Variants in CPNE8 observed in about 807,000 individuals in gnomAD.
CPNE8 encodes the protein copine-8.
CPNE8 carries 45 observed loss-of-function variants against 81.5 expected under a neutral mutation model. The ratio of observed to expected loss-of-function variants is 0.55; its 90% CI spans 0.44 to 0.71. The LOEUF (loss-of-function observed/expected upper bound fraction) is 0.71, where lower values mean the gene tolerates loss of function less well. Among genes scored for constraint, CPNE8 ranks in the 30% least tolerant of loss-of-function variants. CPNE8 has a pLI of 0.00. For synonymous variants in CPNE8, 252 were observed against 226.3 expected (o/e 1.11, Z -1.02); for missense variants, 594 against 672.1 (o/e 0.88, Z 1.28).
chr12:38,808,009 T>C (rs1160519154), intron 6 of CPNE8, among the ~76,000 whole-genome samples: 3 of 151,980 alleles, frequency 2.0e-5, no homozygotes, highest in African/African-American at 2.4e-5. Context: ...AAAATGCTCA[T>C]CATCACTGGC....
At chr12:38,655,346 G>A (rs1037700292) in intron 19 of CPNE8, among the ~76,000 whole-genome samples, 1 of 152,106 alleles carries the variant, frequency 6.6e-6, no homozygotes, top group Non-Finnish European at 1.5e-5. Context: ...GAGGGCATTA[G>A]TTCAATTTTC....
At position 38,654,058 on chromosome 12, in the gene CPNE8, T is replaced by G. The variant is rs764080635; in HGVS notation, c.1519A>C (p.Arg507=). The part of the protein sequence containing the change: ...ERDIVQFVPF[R]DYIDRSGNHI... ...TTTCCACTTCTGTCAATATAATCCC[T>G]GAATGGCACAAACTAAAACAGAGAC... Residue 507 remains arginine (R), a synonymous_variant, in exon 20 of 20, where the codon AGG becomes CGG. Coordinates refer to ENST00000331366, the MANE Select transcript of CPNE8 (RefSeq NM_153634.3). The G allele has an allele frequency of 1.4e-5, 23 of 1,602,402 alleles. 2 individuals are homozygous for G. Among genetic ancestry groups the G allele is most frequent in the South Asian group, 9.0e-5 (8 of 89,002 alleles).
intron 3 of CPNE8, among the ~76,000 whole-genome samples, chr12:38,865,267 T>C (rs1330552610): frequency 6.6e-6 from 1 of 152,228 alleles, no homozygotes; most frequent in Non-Finnish European, 1.5e-5. Flanking sequence ...ATTCCCCCTA[T>C]GGCTCAGATA....
chr12:38,906,256 G>C (rs371344806), upstream of CPNE8: 2 of 985,490 alleles, frequency 2.0e-6, no homozygotes, highest in African/African-American at 1.7e-5. Context: ...AGTTGGGGAC[G>C]GTGGGGCATT....
intron 6 of CPNE8, among the ~76,000 whole-genome samples, chr12:38,795,940 A>C (rs1400692827): frequency 6.6e-6 from 1 of 151,800 alleles, no homozygotes; most frequent in African/African-American, 2.4e-5. Flanking sequence ...GGTTATTCTG[A>C]GAATACAAGA....
intron 1 of CPNE8, among the ~76,000 whole-genome samples, chr12:38,902,346 A>C (rs1397623939): frequency 1.0e-5 from 1 of 96,298 alleles, no homozygotes; most frequent in Non-Finnish European, 1.9e-5. Context: ...GAAAGAAAGA[A>C]AGAAAGAAAG....
At chr12:38,845,708 C>T (rs1474211912) in intron 4 of CPNE8, among the ~76,000 whole-genome samples, 1 of 151,802 alleles carries the variant, frequency 6.6e-6, no homozygotes, top group African/African-American at 2.4e-5. Flanking sequence ...TAATAATAAG[C>T]CTGTTCTTTC....
At chr12:38,758,510 A>C (rs1430672759) in intron 10 of CPNE8, among the ~76,000 whole-genome samples, 1 of 152,186 alleles carries the variant, frequency 6.6e-6, no homozygotes, top group Non-Finnish European at 1.5e-5. Flanking sequence ...GCTATAAAAA[A>C]GACAGTGCAA....
intron 3 of CPNE8, among the ~76,000 whole-genome samples, chr12:38,869,076 T>C (rs1487136396): frequency 6.6e-6 from 1 of 152,198 alleles, no homozygotes; most frequent in Admixed American, 6.5e-5. Flanking sequence ...ATTATCTTCC[T>C]TGATGTAAAC....
chr12:38,760,453 G>T (rs59374360), intron 10 of CPNE8, among the ~76,000 whole-genome samples: 2 of 125,812 alleles, frequency 1.6e-5, no homozygotes, highest in Non-Finnish European at 1.5e-5. Flanking sequence ...ATATATATAT[G>T]TGTGTGTATA....
intron 4 of CPNE8, among the ~76,000 whole-genome samples, chr12:38,847,278 CTGG>C (rs2137054695): frequency 6.6e-6 from 1 of 151,992 alleles, no homozygotes; most frequent in East Asian, 1.9e-4. Context: ...GAAATAGAGG[CTGG>C]TTTTAACATA....
At chr12:38,756,391 T>G (rs946658270) in intron 10 of CPNE8, among the ~76,000 whole-genome samples, 3 of 149,938 alleles carry the variant, frequency 2.0e-5, no homozygotes, top group Non-Finnish European at 4.4e-5. Context: ...TCTCACTCTG[T>G]CACTCAGGCT....
intron 4 of CPNE8, among the ~76,000 whole-genome samples, chr12:38,841,036 G>C (rs1280903612): frequency 6.6e-6 from 1 of 152,040 alleles, no homozygotes; most frequent in African/African-American, 2.4e-5. Context: ...TCTCACATAA[G>C]AATGTTCTCA....
intron 13 of CPNE8, among the ~76,000 whole-genome samples, chr12:38,704,850 A>ATGTG (rs1565575644): frequency 7.4e-6 from 1 of 134,234 alleles, no homozygotes; most frequent in Non-Finnish European, 1.6e-5. Flanking sequence ...ATATATATAT[A>ATGTG]TATATATATA....
intron 19 of CPNE8, among the ~76,000 whole-genome samples, chr12:38,662,518 T>C (rs1453685917): frequency 6.6e-6 from 1 of 152,134 alleles, no homozygotes; most frequent in Non-Finnish European, 1.5e-5. Context: ...AAAAATCTCA[T>C]GTTCATGGAT....
intron 16 of CPNE8, among the ~76,000 whole-genome samples, chr12:38,678,488 T>C (rs11169094): frequency 0.63 from 95,022 of 151,758 alleles, 36,612 homozygotes; most frequent in Non-Finnish European, 0.88. Context: ...GTAAAGAAGA[T>C]CTTGATCTGT....
intron 6 of CPNE8, among the ~76,000 whole-genome samples, chr12:38,779,378 C>T (rs1431072446): frequency 6.6e-6 from 1 of 152,084 alleles, no homozygotes; most frequent in Non-Finnish European, 1.5e-5. Flanking sequence ...ATTCAATAAA[C>T]AGCCAACCCA....
chr12:38,874,257 T>C (rs530015732), intron 2 of CPNE8, among the ~76,000 whole-genome samples: 2 of 152,182 alleles, frequency 1.3e-5, no homozygotes, highest in African/African-American at 4.8e-5. Flanking sequence ...CTGTCCCACA[T>C]TGGAGTCATT....
At chr12:38,744,609 A>G (rs968339432) in intron 10 of CPNE8, among the ~76,000 whole-genome samples, 1 of 152,142 alleles carries the variant, frequency 6.6e-6, no homozygotes, top group African/African-American at 2.4e-5. Context: ...ACCCAGCTTC[A>G]TGTGCTGTGG....
Sources: allele counts gnomAD v4.1 joint callset (sites outside exome capture counted in the v4.1 genomes callset), GRCh38; gene constraint gnomAD v4.1.1; transcripts MANE v1.5; gene names NCBI Gene and HGNC (gene_info 2026-07-23, HGNC 2026-07-21).